Variants in SMG7 observed in about 807,000 individuals in gnomAD.
SMG7 encodes SMG7 nonsense mediated mRNA decay factor.
In SMG7, 34 loss-of-function variants were observed where a neutral mutation model predicts 148.2. The ratio of observed to expected loss-of-function variants is 0.23; its 90% CI spans 0.17 to 0.31. The LOEUF (loss-of-function observed/expected upper bound fraction) is 0.31. Among genes scored for constraint, SMG7 ranks in the 10% least tolerant of loss-of-function variants. SMG7 has a pLI of 1.00. For synonymous variants in SMG7, 492 were observed against 515.1 expected, an observed-to-expected ratio of 0.96 and a Z score of 0.61; for missense variants, 1,114 against 1,408.4, an observed-to-expected ratio of 0.79 and a Z score of 3.35.
At chr1:183,498,297 G>T (rs550794570) in intron 1 of SMG7, among the ~76,000 whole-genome samples, 14 of 152,220 alleles carry the variant, frequency 9.2e-5, no homozygotes, top group African/African-American at 3.4e-4. Context: ...TTGGGAGGCC[G>T]AGGCGGGAAG....
Position 183,544,471 on chromosome 1 carries a change from C to T in SMG7, c.1961C>T (p.Ala654Val). The T allele has an allele frequency of 1.2e-6, 2 of 1,613,860 alleles. No homozygotes were observed. The highest frequency in any genetic ancestry group is 3.3e-5 in the Admixed American group (2 of 60,012). The change falls in exon 15 of 23, where the codon GCC (alanine) becomes GTC (valine). Residue 654 changes from alanine (A) to valine (V), a missense_variant. Transcript: ENST00000688051. ...TTCATCCCCATTCATCACCCTGGAG[C>T]CTTCCCTCCTCTTCCCAGCAGGCCA... Reference protein sequence around the residue: ...SQFIPIHHPGAFPPLPSRPGF... With the variant: ...SQFIPIHHPGVFPPLPSRPGF...
intron 6 of SMG7, among the ~76,000 whole-genome samples, chr1:183,528,513 A>G (rs768869380): frequency 5.9e-5 from 9 of 152,210 alleles, no homozygotes; most frequent in Non-Finnish European, 8.8e-5. Flanking sequence ...TTTAGATTCT[A>G]GAAAGAGTCT....
At position 183,553,016 on chromosome 1, in the gene SMG7, C is replaced by T. The variant is rs1345246829; in HGVS notation, c.*1085C>T. 6.5e-7 allele frequency: 1 copy of T among 1,536,312 alleles called. No homozygotes were observed. Among genetic ancestry groups the T allele is most frequent in the South Asian group, 1.2e-5 (1 of 84,066 alleles). On this transcript the variant is annotated 3_prime_UTR_variant, in exon 23 of 23. Transcript: ENST00000688051. ...GGTCCAGCAGTTGGGGCCCAAAAGA[C>T]AGTCTGAAGAGGAAGGAAGCAGCAG... is the stretch of plus-strand genomic sequence containing the variant.
chr1:183,544,005 G>A (rs998726041), intron 14 of SMG7, among the ~76,000 whole-genome samples: 4 of 152,072 alleles, frequency 2.6e-5, no homozygotes, highest in African/African-American at 9.7e-5. Context: ...AGAGAACCCT[G>A]GGCCCCAGAA....
intron 1 of SMG7, among the ~76,000 whole-genome samples, chr1:183,491,732 C>T (rs184268711): frequency 2.0e-3 from 303 of 152,212 alleles, no homozygotes; most frequent in African/African-American, 6.9e-3. Flanking sequence ...TCTATTTGTG[C>T]TGCTATAATA....
intron 1 of SMG7, among the ~76,000 whole-genome samples, chr1:183,507,278 C>T (rs1661141608): frequency 2.0e-5 from 3 of 152,078 alleles, no homozygotes; most frequent in Non-Finnish European, 2.9e-5. Context: ...AAGAAGATAA[C>T]CCAAATTTTA....
chr1:183,472,842 C>G (rs3905118), intron 1 of SMG7, 193 bp downstream of exon 1: 1 of 431,968 alleles, frequency 2.3e-6, no homozygotes, highest in Non-Finnish European at 3.9e-6. Context: ...CCCTACCGCC[C>G]GGGCTGAGCT....
At chr1:183,537,783 A>G (rs1038211073) in intron 11 of SMG7, among the ~76,000 whole-genome samples, 1 of 152,164 alleles carries the variant, frequency 6.6e-6, no homozygotes, top group Non-Finnish European at 1.5e-5. Flanking sequence ...ATAATATTCC[A>G]TCCTATGGAA....
At chr1:183,486,502 C>T (rs1457383200) in intron 1 of SMG7, among the ~76,000 whole-genome samples, 1 of 152,186 alleles carries the variant, frequency 6.6e-6, no homozygotes, top group Non-Finnish European at 1.5e-5. Flanking sequence ...CCTCCACCTC[C>T]TGGGTTCAAG....
intron 7 of SMG7, 50 bp downstream of exon 7, chr1:183,529,092 TGGA>T (rs1265267208): frequency 2.6e-6 from 4 of 1,527,142 alleles, no homozygotes; most frequent in Admixed American, 4.1e-5. Flanking sequence ...CTTTGTAACC[TGGA>T]GCCTTAATTC....
chr1:183,551,852 C>G lies in SMG7; in HGVS notation c.3485C>G (p.Pro1162Arg), dbSNP rs1164023549. 2.5e-6 allele frequency: 4 copies of G among 1,613,428 alleles called. No individual in the cohort carries two copies. In the Admixed American group the frequency reaches 5.0e-5, roughly 20 times the overall value. The change falls in exon 23 of 23, where the codon CCT becomes CGT. Residue 1162 changes from proline (P) to arginine (R), a missense_variant. Transcript: ENST00000688051. ...TCCAGTTCCATGATGCATCCTGGAC[C>G]TTCTGCTCTGGAGCAGCTGTTAATG... Reference protein sequence around the residue: ...IWSSSMMHPGPSALEQLLMQQ... With the variant: ...IWSSSMMHPGRSALEQLLMQQ...
intron 1 of SMG7, among the ~76,000 whole-genome samples, chr1:183,491,021 G>C (rs1656828542): frequency 6.6e-6 from 1 of 152,204 alleles, no homozygotes; most frequent in Non-Finnish European, 1.5e-5. Flanking sequence ...CCTGACCTCA[G>C]CCTCTCAGAG....
At chr1:183,516,660 C>T (rs1234560843) in intron 3 of SMG7, among the ~76,000 whole-genome samples, 2 of 152,158 alleles carry the variant, frequency 1.3e-5, no homozygotes, top group Admixed American at 6.5e-5. Context: ...TACTAATGTC[C>T]GTTACCCTAA....
At chr1:183,513,595 C>A (rs1475795521) in intron 2 of SMG7, among the ~76,000 whole-genome samples, 2 of 152,146 alleles carry the variant, frequency 1.3e-5, no homozygotes, top group African/African-American at 4.8e-5. Context: ...TGGTCTCGAA[C>A]TCCTGACTTC....
At chr1:183,522,964 C>G (rs982691937) in intron 4 of SMG7, among the ~76,000 whole-genome samples, 3 of 151,900 alleles carry the variant, frequency 2.0e-5, no homozygotes, top group African/African-American at 7.3e-5. Flanking sequence ...AATGGAGTCT[C>G]ACTATGTTAC....
chr1:183,512,857 C>A lies in SMG7; in HGVS notation c.50C>A (p.Ala17Asp). 1 of 1,545,616 alleles carries A rather than the reference C, an allele frequency of 6.5e-7. No homozygotes were observed. Among genetic ancestry groups the A allele is most frequent in the South Asian group, 1.2e-5 (1 of 83,168 alleles). Residue 17 changes from alanine to aspartate, a missense_variant, in exon 2 of 23, where the codon GCT becomes GAT. Coordinates refer to ENST00000688051, the MANE Select transcript of SMG7 (RefSeq NM_001375584.1). ...TCTAGGCAGGCAGAAGTCCTGAAGGCTGACATGACAGGTATTGGCTGGCTT... is the reference window on the plus strand; with the variant it reads ...TCTAGGCAGGCAGAAGTCCTGAAGGATGACATGACAGGTATTGGCTGGCTT... The part of the protein sequence containing the change: ...QYLRQAEVLK[A>D]DMTDSKLGPA...
In SMG7 at chr1:183,513,568, C is replaced by T. The variant is rs186075764; in HGVS notation, c.61+700C>T. The stretch of plus-strand genomic sequence containing the variant: ...TGTATTTTTGGTAGAGATGGGGATT[C>T]ACCATGTTGGTCAGGCTGGTCTCGA... On this transcript the variant is annotated intron_variant, in intron 2 of 22. Coordinates refer to ENST00000688051, the MANE Select transcript of SMG7 (RefSeq NM_001375584.1). Among the ~76,000 whole-genome samples, 6 of 152,132 alleles carry T rather than the reference C, an allele frequency of 3.9e-5. No homozygotes were observed. In the East Asian group the frequency reaches 1.2e-3, roughly 29 times the overall value.
chr1:183,512,808 CTT>C (rs59379855), intron 1 of SMG7, 27 bp from the exon 2 acceptor site: 17,889 of 1,242,848 alleles, frequency 0.014, no homozygotes, highest in Non-Finnish European at 0.015. Flanking sequence ...AACTGATACT[CTT>C]TTTTTTTTTT....
chr1:183,527,926 G>A lies in SMG7; in HGVS notation c.485-30G>A. 3 of 1,591,642 alleles carry A rather than the reference G, an allele frequency of 1.9e-6. No homozygotes were observed. The highest frequency in any genetic ancestry group is 2.2e-5 in the South Asian group (2 of 89,854). ...TACTACCCTACTGTTTGTTTTTTGG[G>A]TTTTTTAAAACTAATTTTCTTCTTC... is the stretch of plus-strand genomic sequence containing the variant. On this transcript the variant is annotated intron_variant, in intron 5 of 22. Coordinates refer to ENST00000688051, the MANE Select transcript of SMG7 (RefSeq NM_001375584.1). The surrounding 1 kb of genome is among the most constrained non-coding windows in gnomAD (Gnocchi z 4.0).
Sources: gnomAD v4.1 joint callset for allele counts (sites outside exome capture counted in the v4.1 genomes callset) on GRCh38, gnomAD v4.1.1 for gene constraint, Gnocchi (gnomAD v3.1) non-coding constraint, MANE v1.5 for transcripts, NCBI Gene and HGNC (gene_info 2026-07-23, HGNC 2026-07-21) for gene names.